Variants in CDC27 observed in about 807,000 individuals in gnomAD.
CDC27 encodes the protein cell division cycle 27.
In CDC27, 27 loss-of-function variants were observed where a neutral mutation model predicts 109.7. The ratio of observed to expected loss-of-function variants is 0.25; its 90% CI spans 0.18 to 0.34. CDC27 has a LOEUF of 0.34. Ranked by LOEUF, CDC27 falls within the 10% of genes least tolerant of loss-of-function variation. CDC27 has a pLI of 1.00. For synonymous variants in CDC27, 266 were observed against 333.9 expected (o/e 0.80, Z 2.22); for missense variants, 579 against 960.2 (o/e 0.60, Z 5.25).
intron 4 of CDC27, 42 bp downstream of exon 4, chr17:47,169,875 T>C (rs1046770339): frequency 1.3e-6 from 2 of 1,518,844 alleles, no homozygotes; most frequent in African/African-American, 2.8e-5. Flanking sequence ...AACATACTTG[T>C]ATGGAAATGC....
At chr17:47,175,523 T>C (rs16941622) in intron 2 of CDC27, among the ~76,000 whole-genome samples, 16,500 of 152,210 alleles carry the variant, frequency 0.11, 1,326 homozygotes, top group East Asian at 0.48. Flanking sequence ...ATGTTTCAAA[T>C]TGATTATCTG....
At chr17:47,159,879 G>C (rs1380773846) in intron 4 of CDC27, 1 of 441,896 alleles carries the variant, frequency 2.3e-6, no homozygotes, top group East Asian at 6.8e-5. Flanking sequence ...AGGAGCCCCA[G>C]CTTGGTGATG....
At chr17:47,154,893 T>G (rs1025092996) in intron 7 of CDC27, 107 bp from the exon 8 acceptor site, 1 of 606,410 alleles carries the variant, frequency 1.6e-6, no homozygotes, top group Non-Finnish European at 3.0e-6. Flanking sequence ...CAAATCAGTC[T>G]TAGGGACAGT....
At chr17:47,189,080 G>A (rs1004019208) in intron 1 of CDC27, 66 bp downstream of exon 1, 3 of 1,558,896 alleles carry the variant, frequency 1.9e-6, no homozygotes, top group Non-Finnish European at 2.7e-6. Flanking sequence ...GCCGCGGAGT[G>A]GCCCTACGCT....
At chr17:47,123,392 T>A (rs888387880) in intron 17 of CDC27, among the ~76,000 whole-genome samples, 1 of 145,722 alleles carries the variant, frequency 6.9e-6, no homozygotes, top group African/African-American at 2.5e-5. Context: ...TTCTTCTACT[T>A]TTTTTTCTAC....
intron 1 of CDC27, among the ~76,000 whole-genome samples, chr17:47,187,992 T>C (rs953436466): frequency 2.0e-5 from 3 of 152,172 alleles, no homozygotes; most frequent in Non-Finnish European, 4.4e-5. Context: ...TAATAGCTGC[T>C]ATATGTAAAC....
intron 11 of CDC27, 29 bp from the exon 12 acceptor site, chr17:47,142,054 G>GA (rs879235561): frequency 8.0e-6 from 12 of 1,501,488 alleles, no homozygotes; most frequent in East Asian, 2.3e-5. Flanking sequence ...GTAAACAAAG[G>GA]AAAAAACGCA....
intron 2 of CDC27, among the ~76,000 whole-genome samples, chr17:47,173,818 C>A (rs1364475395): frequency 2.0e-5 from 3 of 152,238 alleles, no homozygotes; most frequent in African/African-American, 7.2e-5. Flanking sequence ...ACTGGCCAGG[C>A]GTGGTGGCTC....
Position 47,123,975 on chromosome 17 carries a change from G to T in CDC27, c.2161-15C>A. The T allele has an allele frequency of 6.4e-7, 1 of 1,566,842 alleles. No homozygotes were observed. On this transcript the variant is annotated splice_polypyrimidine_tract_variant and intron_variant, in intron 16 of 18. Coordinates refer to ENST00000066544, the MANE Select transcript of CDC27 (RefSeq NM_001256.6). Reference sequence around the variant, plus strand: ...TGTAAAGCAGACTGAAAAAGGCAAAGAAAAACCTTAAAGTAGCAAAAATTT... The same window carrying T: ...TGTAAAGCAGACTGAAAAAGGCAAATAAAAACCTTAAAGTAGCAAAAATTT...
chr17:47,180,233 A>G (rs897246840), intron 2 of CDC27, among the ~76,000 whole-genome samples: 1 of 152,226 alleles, frequency 6.6e-6, no homozygotes, highest in African/African-American at 2.4e-5. Context: ...GCATAAGTGA[A>G]TGGAGTAGAT....
chr17:47,186,490 C>T (rs2064441379), intron 1 of CDC27, among the ~76,000 whole-genome samples: 1 of 152,192 alleles, frequency 6.6e-6, no homozygotes. Context: ...TATATAAAAT[C>T]TCTTTGCTTC....
rs749389222 is a variant in CDC27, at chr17:47,143,837, A to G, written c.1170+46T>C. On this transcript the variant is annotated intron_variant, in intron 10 of 18. Coordinates refer to ENST00000066544, the MANE Select transcript of CDC27 (RefSeq NM_001256.6). Reference sequence around the variant, plus strand: ...GTCATCAATGAACAGAAATGTTAGCAGGCGAAGCATTAAGTAAATGTGACA... The same window carrying G: ...GTCATCAATGAACAGAAATGTTAGCGGGCGAAGCATTAAGTAAATGTGACA... 5 of 837,706 alleles carry G rather than the reference A, an allele frequency of 6.0e-6. No individual in the cohort carries two copies. In the Admixed American group the frequency reaches 1.3e-4, roughly 22 times the overall value. 51.9% of individuals were successfully genotyped at this position (837,706 alleles called of 1,614,324 possible).
intron 7 of CDC27, among the ~76,000 whole-genome samples, chr17:47,155,093 T>A (rs912292340): frequency 2.0e-5 from 3 of 152,116 alleles, no homozygotes; most frequent in Non-Finnish European, 4.4e-5. Flanking sequence ...TACTTCAAAT[T>A]CTTGGAATTT....
chr17:47,136,778 G>A (rs755899726), intron 14 of CDC27, among the ~76,000 whole-genome samples: 132 of 152,216 alleles, frequency 8.7e-4, no homozygotes, highest in Non-Finnish European at 1.4e-3. Flanking sequence ...TATCCAATAA[G>A]TGAATTATGC....
At chr17:47,144,526 T>G (rs1244564018) in intron 9 of CDC27, among the ~76,000 whole-genome samples, 1 of 152,200 alleles carries the variant, frequency 6.6e-6, no homozygotes, top group East Asian at 1.9e-4. Flanking sequence ...CTAGAACTAC[T>G]AATATTTGAG....
At position 47,171,945 on chromosome 17, in the gene CDC27, G is replaced by A; in HGVS notation, c.223C>T (p.Leu75Phe). ...CTGAGATCAACACAACATTTTGCAA[G>A]CAGGTATTTGCATTGCGGTGTAGTA... ...SCTTPQCKYL[L>F]AKCCVDLSKL... is the part of the protein sequence containing the mutation. The change falls in exon 3 of 19, where the codon CTT (leucine) becomes TTT (phenylalanine). Residue 75 changes from leucine to phenylalanine, a missense_variant. Coordinates refer to ENST00000066544, the MANE Select transcript of CDC27 (RefSeq NM_001256.6). The A allele has an allele frequency of 4.4e-6, 7 of 1,590,228 alleles. No homozygotes were observed. The highest frequency in any genetic ancestry group is 5.1e-6 in the Non-Finnish European group (6 of 1,171,008).
chr17:47,151,306 A>G (rs2063144111), intron 9 of CDC27, among the ~76,000 whole-genome samples: 1 of 152,186 alleles, frequency 6.6e-6, no homozygotes, highest in African/African-American at 2.4e-5. Context: ...ATTTAGGTAC[A>G]TGTTCACAGT....
chr17:47,183,140 C>A (rs2064306820), intron 1 of CDC27, among the ~76,000 whole-genome samples: 1 of 152,134 alleles, frequency 6.6e-6, no homozygotes, highest in Non-Finnish European at 1.5e-5. Flanking sequence ...TAGTAATAAA[C>A]TACTTTTGAG....
chr17:47,141,843 C>G lies in CDC27; in HGVS notation c.1551+10G>C, dbSNP rs1400774710. 1.3e-6 allele frequency: 2 copies of G among 1,551,206 alleles called. No homozygotes were observed. Among genetic ancestry groups the G allele is most frequent in the Non-Finnish European group, 1.7e-6 (2 of 1,149,502 alleles). On this transcript the variant is annotated intron_variant, in intron 12 of 18. Coordinates refer to ENST00000066544, the MANE Select transcript of CDC27 (RefSeq NM_001256.6). ...CTAGAAAGGCATATATAACCATTTT[C>G]TATACTTACTTGCATGTACTCTGAA...
Sources: gnomAD v4.1 joint callset for allele counts (sites outside exome capture counted in the v4.1 genomes callset) on GRCh38, gnomAD v4.1.1 for gene constraint, MANE v1.5 for transcripts, NCBI Gene and HGNC (gene_info 2026-07-23, HGNC 2026-07-21) for gene names.